TBATA: variants seen among roughly 807,000 people sequenced by gnomAD.
TBATA encodes the protein protein TBATA.
Under a neutral mutation model 38.7 loss-of-function variants are expected in TBATA, and 47 were observed. The observed-to-expected ratio is 1.21, with a 90% CI of 0.96 to 1.55. The LOEUF (loss-of-function observed/expected upper bound fraction) is 1.55. Among genes scored for constraint, TBATA ranks in the 40% most tolerant of loss-of-function variants. TBATA has a pLI of 0.00. For missense variants in TBATA, 436 were observed against 435.6 expected, an observed-to-expected ratio of 1.00 and a Z score of -0.01; for synonymous variants, 183 against 170.5, an observed-to-expected ratio of 1.07 and a Z score of -0.57.
At position 70,782,253 on chromosome 10, in the gene TBATA, A is replaced by G. The variant is rs543783744; in HGVS notation, c.42-217T>C. 4.9e-6 allele frequency: 7 copies of G among 1,441,136 alleles called. No homozygotes were observed. In the Admixed American group the frequency reaches 1.4e-4, roughly 29 times the overall value. 89.3% of individuals were successfully genotyped at this position (1,441,136 alleles called of 1,614,324 possible). On this transcript the variant is annotated intron_variant, in intron 3 of 10. Transcript: ENST00000456372. ...CCTGTCCTGGTTAGTCTTCCTTATC[A>G]GGGAGCTGGCATCCATTTGAGGGAA... is the stretch of plus-strand genomic sequence containing the variant.
At chr10:70,782,156 C>A in intron 3 of TBATA, 120 bp from the exon 4 acceptor site, 1 of 1,280,302 alleles carries the variant, frequency 7.8e-7, no homozygotes, top group Admixed American at 2.2e-5. Flanking sequence ...ATCTGGTTTC[C>A]TGGGTTTCAC....
chr10:70,775,067 C>T (rs1208990411), intron 8 of TBATA, 122 bp downstream of exon 8: 13 of 830,194 alleles, frequency 1.6e-5, no homozygotes. Flanking sequence ...GGAGGAGAGG[C>T]CTCCATGGAA....
At chr10:70,779,387 C>A (rs1406784233) in intron 5 of TBATA, among the ~76,000 whole-genome samples, 1 of 152,208 alleles carries the variant, frequency 6.6e-6, no homozygotes, top group South Asian at 2.1e-4. Context: ...AGCAGGGGTG[C>A]ATTTCTGCTG....
chr10:70,783,047 C>A (rs1300487999), intron 3 of TBATA, among the ~76,000 whole-genome samples: 5 of 152,222 alleles, frequency 3.3e-5, no homozygotes, highest in Non-Finnish European at 7.3e-5. Flanking sequence ...TCCTCTTCTA[C>A]CCCCAAGTAA....
chr10:70,775,225 C>T lies in TBATA; in HGVS notation c.739G>A (p.Ala247Thr), dbSNP rs749545516. The T allele has an allele frequency of 6.7e-5, 108 of 1,614,004 alleles. No individual in the cohort carries two copies. Among genetic ancestry groups the T allele is most frequent in the Admixed American group, 1.0e-4 (6 of 60,006 alleles). Reference protein sequence around the residue: ...CRILETDLLSAIQFWLLYAPP... With the variant: ...CRILETDLLSTIQFWLLYAPP... ...GCGTAGAGCAGCCAGAACTGGATTG[C>T]GCTTAGCAAGTCTGTTTCCAGGATC... Residue 247 changes from alanine to threonine, a missense_variant, in exon 8 of 11, where the codon GCA becomes ACA. Physicochemically the swap from Ala to Thr is moderately conservative, Grantham distance 58. Coordinates refer to ENST00000456372, the MANE Select transcript of TBATA (RefSeq NM_001318241.2).
At chr10:70,783,305 C>T (rs775938780) in intron 3 of TBATA, 34 bp downstream of exon 3, 2 of 1,613,644 alleles carry the variant, frequency 1.2e-6, no homozygotes, top group East Asian at 2.2e-5. Flanking sequence ...CCCAAGCCCT[C>T]CTCAGTCAGC....
At position 70,771,358 on chromosome 10, in the gene TBATA, T is replaced by TG. The variant is rs778036135; in HGVS notation, c.*17dup. 44 of 1,613,984 alleles carry TG rather than the reference T, an allele frequency of 2.7e-5. No homozygotes were observed. In the Admixed American group the frequency reaches 7.2e-4, roughly 26 times the overall value. On this transcript the variant is annotated 3_prime_UTR_variant, in exon 11 of 11. Coordinates refer to ENST00000456372, the MANE Select transcript of TBATA (RefSeq NM_001318241.2). Reference sequence around the variant, plus strand: ...TGGGGCTGCTCTTGAGCAAGGCAGGTGCAAGTGTTAGGGCCCCTCAGCTCT... The same window carrying TG: ...TGGGGCTGCTCTTGAGCAAGGCAGGTGGCAAGTGTTAGGGCCCCTCAGCTCT...
At chr10:70,778,492 T>C (rs781141239) in intron 6 of TBATA, 65 bp downstream of exon 6, 1 of 1,495,372 alleles carries the variant, frequency 6.7e-7, no homozygotes, top group South Asian at 1.1e-5. Flanking sequence ...TCGGGAGGGA[T>C]CTCCTTACAC....
intron 9 of TBATA, among the ~76,000 whole-genome samples, chr10:70,773,143 C>T (rs1403226485): frequency 6.6e-6 from 1 of 152,088 alleles, no homozygotes; most frequent in Non-Finnish European, 1.5e-5. Context: ...AGCCTGTCTT[C>T]CTCGCTAGGC....
chr10:70,772,465 G>T (rs369110349), intron 10 of TBATA, 49 bp downstream of exon 10: 3 of 1,577,878 alleles, frequency 1.9e-6, no homozygotes, highest in Non-Finnish European at 2.6e-6. Context: ...AATCCAGCCA[G>T]AGTGGGCCTT....
intron 7 of TBATA, among the ~76,000 whole-genome samples, chr10:70,776,187 A>T (rs2132862292): frequency 6.6e-6 from 1 of 152,304 alleles, no homozygotes; most frequent in African/African-American, 2.4e-5. Flanking sequence ...CATCCTCAGC[A>T]GAGTGGAATC....
chr10:70,780,276 G>GGAC (rs10675645), intron 4 of TBATA, among the ~76,000 whole-genome samples: 79,634 of 151,574 alleles, frequency 0.53, 21,369 homozygotes, highest in Admixed American at 0.59. Flanking sequence ...TTGCACTTGA[G>GGAC]GACCCTTCTG....
chr10:70,771,536 T>C (rs1005093498), intron 10 of TBATA, 75 bp from the exon 11 acceptor site: 4 of 1,406,838 alleles, frequency 2.8e-6, no homozygotes, highest in Non-Finnish European at 3.9e-6. Flanking sequence ...CAGGTGGATG[T>C]GTGAGTGCTG....
intron 8 of TBATA, 130 bp downstream of exon 8, chr10:70,775,059 A>T: frequency 1.3e-6 from 1 of 753,968 alleles, no homozygotes; most frequent in Non-Finnish European, 2.2e-6. Flanking sequence ...TCCAAAGTGG[A>T]GGAGAGGCCT....
At chr10:70,779,455 G>T in intron 5 of TBATA, 138 bp downstream of exon 5, 1 of 1,054,106 alleles carries the variant, frequency 9.5e-7, no homozygotes, top group Admixed American at 3.4e-5. Flanking sequence ...GGAAATGGGA[G>T]AAAAAGTGGG....
chr10:70,775,764 A>C (rs1843313250), intron 7 of TBATA, among the ~76,000 whole-genome samples: 2 of 152,134 alleles, frequency 1.3e-5, no homozygotes, highest in Non-Finnish European at 2.9e-5. Context: ...AAAGTCCCAG[A>C]GTCTGGGGAT....
chr10:70,772,628 G>T, intron 9 of TBATA, 62 bp from the exon 10 acceptor site: 1 of 1,564,460 alleles, frequency 6.4e-7, no homozygotes, highest in Non-Finnish European at 8.8e-7. Flanking sequence ...CCCACGGGTG[G>T]CAGGGGAGAC....
At chr10:70,774,087 CT>C in intron 9 of TBATA, 125 bp downstream of exon 9, 1 of 1,312,500 alleles carries the variant, frequency 7.6e-7, no homozygotes, top group Non-Finnish European at 1.0e-6. Context: ...GGCTGGGCCT[CT>C]GCCTCCAGGA....
intron 7 of TBATA, 90 bp downstream of exon 7, chr10:70,777,063 A>G: frequency 7.2e-7 from 1 of 1,382,106 alleles, no homozygotes; most frequent in East Asian, 2.4e-5. Flanking sequence ...CCTAGGCACC[A>G]GTATCCCTGG....
Sources: gnomAD v4.1 joint callset for allele counts (sites outside exome capture counted in the v4.1 genomes callset) on GRCh38, gnomAD v4.1.1 for gene constraint, MANE v1.5 for transcripts, NCBI Gene and HGNC (gene_info 2026-07-23, HGNC 2026-07-21) for gene names.